LDB2: variants seen among roughly 807,000 people sequenced by gnomAD.
LDB2 encodes the protein LIM domain binding 2.
LDB2 carries 12 observed loss-of-function variants against 44.3 expected under a neutral mutation model. The ratio of observed to expected loss-of-function variants is 0.27; its 90% CI spans 0.17 to 0.44. The LOEUF is 0.44. LDB2 is among the 20% of genes least tolerant of loss of function. LDB2 has a pLI of 1.00. For synonymous variants in LDB2, 164 were observed against 174.8 expected (o/e 0.94, Z 0.49); for missense variants, 344 against 473.5 (o/e 0.73, Z 2.54).
rs771669555 is a variant in LDB2, at chr4:16,759,164, G to A, written c.229C>T (p.Arg77Ter). 5 of 1,609,682 alleles carry A rather than the reference G, an allele frequency of 3.1e-6. No homozygotes were observed. The highest frequency in any genetic ancestry group is 4.3e-6 in the Non-Finnish European group (5 of 1,176,010). Residue 77 changes from arginine (R) to a stop codon, truncating the protein, a stop_gained, in exon 2 of 8, where the codon CGA becomes TGA. Transcript: ENST00000304523. LOFTEE classifies it high-confidence loss of function. ...LSFCLEDGPKRYTIGRTLIPR... is the reference protein window; with the variant it reads ...LSFCLEDGPK ...AAATAAACTTCTTTCTTACTGTATCGCTTTGGTCCATCTTCCAAACAAAAT... is the reference window on the plus strand; with the variant it reads ...AAATAAACTTCTTTCTTACTGTATCACTTTGGTCCATCTTCCAAACAAAAT...
chr4:16,548,390 C>CT (rs1424153115), intron 5 of LDB2, among the ~76,000 whole-genome samples: 1 of 152,198 alleles, frequency 6.6e-6, no homozygotes, highest in Non-Finnish European at 1.5e-5. Flanking sequence ...TCCACTCATT[C>CT]TTTCTCCTCC....
At chr4:16,608,919 C>T (rs1724758488) in intron 2 of LDB2, among the ~76,000 whole-genome samples, 1 of 152,154 alleles carries the variant, frequency 6.6e-6, no homozygotes, top group East Asian at 1.9e-4. Flanking sequence ...TCTCTTCTGT[C>T]ATTATTAAAA....
chr4:16,718,926 C>T (rs1368694198), intron 2 of LDB2, among the ~76,000 whole-genome samples: 1 of 152,074 alleles, frequency 6.6e-6, no homozygotes. Flanking sequence ...TCCCCAGTGA[C>T]ATTTTACAGA....
At chr4:16,662,141 C>T (rs1280215744) in intron 2 of LDB2, among the ~76,000 whole-genome samples, 2 of 152,094 alleles carry the variant, frequency 1.3e-5, no homozygotes, top group Non-Finnish European at 2.9e-5. Flanking sequence ...TTAAATTTTG[C>T]CTTTGAATAG....
At chr4:16,546,502 G>T (rs1735793311) in intron 5 of LDB2, among the ~76,000 whole-genome samples, 1 of 152,174 alleles carries the variant, frequency 6.6e-6, no homozygotes, top group South Asian at 2.1e-4. Flanking sequence ...AAGCATCAGA[G>T]AATCTGGAAA....
At chr4:16,887,319 T>C (rs1722063673) in intron 1 of LDB2, among the ~76,000 whole-genome samples, 1 of 152,142 alleles carries the variant, frequency 6.6e-6, no homozygotes, top group South Asian at 2.1e-4. Context: ...GTTTGACTTC[T>C]GCACTTCCAT....
intron 5 of LDB2, among the ~76,000 whole-genome samples, chr4:16,524,084 G>A (rs542145777): frequency 2.6e-5 from 4 of 152,310 alleles, no homozygotes; most frequent in South Asian, 4.1e-4. Flanking sequence ...TGAAAATAGG[G>A]ATGCGGTAGG....
At chr4:16,854,907 G>T (rs1401581580) in intron 1 of LDB2, among the ~76,000 whole-genome samples, 1 of 151,780 alleles carries the variant, frequency 6.6e-6, no homozygotes, top group Non-Finnish European at 1.5e-5. Flanking sequence ...AGATACAGTT[G>T]CAAGATTCAG....
At chr4:16,515,634 AG>A (rs1480770068) in intron 5 of LDB2, among the ~76,000 whole-genome samples, 12 of 152,242 alleles carry the variant, frequency 7.9e-5, no homozygotes, top group Admixed American at 7.8e-4. Context: ...AAAGCTTCAG[AG>A]AAATCCTAAA....
At chr4:16,785,022 G>A (rs1274300806) in intron 1 of LDB2, among the ~76,000 whole-genome samples, 1 of 150,380 alleles carries the variant, frequency 6.6e-6, no homozygotes, top group African/African-American at 2.4e-5. Context: ...TTTTTTCATT[G>A]TTATTAATGG....
At position 16,515,903 on chromosome 4, in the gene LDB2, G is replaced by A. The variant is rs934391413; in HGVS notation, c.616-3799C>T. Among the ~76,000 whole-genome samples the A allele has an allele frequency of 2.6e-5, 4 of 151,202 alleles. No individual in the cohort carries two copies. The East Asian group carries it at 5.8e-4, about 22-fold the overall frequency. Reference sequence around the variant, plus strand: ...TTTTTTGAGACAGTCTCGCTCTGTCGCCCAGGCTGGAGTGCAGTGGTGTGA... The same window carrying A: ...TTTTTTGAGACAGTCTCGCTCTGTCACCCAGGCTGGAGTGCAGTGGTGTGA... On this transcript the variant is annotated intron_variant, in intron 5 of 7. Coordinates refer to ENST00000304523, the MANE Select transcript of LDB2 (RefSeq NM_001290.5).
At chr4:16,891,433 C>A (rs1723370406) in intron 1 of LDB2, among the ~76,000 whole-genome samples, 1 of 151,196 alleles carries the variant, frequency 6.6e-6, no homozygotes, top group Non-Finnish European at 1.5e-5. Flanking sequence ...CTGCCTCAGC[C>A]TCCCGTGTAG....
chr4:16,660,878 C>T (rs1459900333), intron 2 of LDB2, among the ~76,000 whole-genome samples: 1 of 152,070 alleles, frequency 6.6e-6, no homozygotes, highest in Non-Finnish European at 1.5e-5. Context: ...GAGTGTGGCC[C>T]AGTCTAATTC....
At chr4:16,804,364 G>A (rs1269564025) in intron 1 of LDB2, among the ~76,000 whole-genome samples, 1 of 152,074 alleles carries the variant, frequency 6.6e-6, no homozygotes, top group African/African-American at 2.4e-5. Context: ...AATTTGGAAG[G>A]GCCTCTGCCT....
At chr4:16,579,342 C>A (rs1713307026) in intron 5 of LDB2, among the ~76,000 whole-genome samples, 1 of 151,812 alleles carries the variant, frequency 6.6e-6, no homozygotes, top group East Asian at 1.9e-4. Flanking sequence ...TTTAACAAAA[C>A]ACAAAAGAAG....
intron 1 of LDB2, among the ~76,000 whole-genome samples, chr4:16,863,658 T>TC (rs1248081926): frequency 3.5e-4 from 49 of 138,430 alleles, no homozygotes; most frequent in African/African-American, 1.3e-3. Context: ...CACATTCTCT[T>TC]TTTTTTTTTT....
intron 2 of LDB2, among the ~76,000 whole-genome samples, chr4:16,662,402 C>T (rs1432496961): frequency 6.6e-6 from 1 of 152,172 alleles, no homozygotes; most frequent in African/African-American, 2.4e-5. Flanking sequence ...CCTGTTCTCC[C>T]ATTCCTAATT....
intron 2 of LDB2, among the ~76,000 whole-genome samples, chr4:16,743,142 T>A (rs951691018): frequency 2.0e-5 from 3 of 151,902 alleles, no homozygotes; most frequent in Admixed American, 1.3e-4. Context: ...ATACAAAAAT[T>A]AGCCAGGCAT....
chr4:16,868,187 G>A (rs7665420), intron 1 of LDB2, among the ~76,000 whole-genome samples: 92,066 of 151,832 alleles, frequency 0.61, 28,425 homozygotes, highest in East Asian at 0.85. Flanking sequence ...TTTTGCGTCA[G>A]TTGAGCCTGA....
Sources: gnomAD v4.1 joint callset for allele counts (sites outside exome capture counted in the v4.1 genomes callset) on GRCh38, gnomAD v4.1.1 for gene constraint, MANE v1.5 for transcripts, NCBI Gene and HGNC (gene_info 2026-07-23, HGNC 2026-07-21) for gene names.